The following TRIP11 variants were observed in gnomAD, a reference collection of about 807,000 sequenced individuals.
TRIP11 encodes thyroid receptor-interacting protein 11.
A neutral mutation model predicts 223.1 loss-of-function variants in TRIP11; 148 were observed. The observed-to-expected ratio is 0.66, with a 90% CI of 0.58 to 0.76. The LOEUF is 0.76. TRIP11 is among the 30% of genes least tolerant of loss of function. TRIP11 has a pLI of 0.00. For missense variants in TRIP11, 2,043 were observed against 2,222.0 expected, an observed-to-expected ratio of 0.92 and a Z score of 1.62; for synonymous variants, 762 against 772.6, an observed-to-expected ratio of 0.99 and a Z score of 0.23.
chr14:91,991,008 C>G (rs2056665166), intron 15 of TRIP11, among the ~76,000 whole-genome samples: 1 of 152,122 alleles, frequency 6.6e-6, no homozygotes, highest in South Asian at 2.1e-4. Flanking sequence ...TAGGGAAGTG[C>G]AAATTAAAAC....
At chr14:91,977,191 G>C (rs1038847343) in intron 16 of TRIP11, 1 of 452,350 alleles carries the variant, frequency 2.2e-6, no homozygotes, top group African/African-American at 2.0e-5. Context: ...TATCAGATAT[G>C]ATTTACAAAC....
chr14:91,971,162 A>G (rs985394012), intron 20 of TRIP11, among the ~76,000 whole-genome samples: 7 of 152,218 alleles, frequency 4.6e-5, no homozygotes, highest in Admixed American at 6.5e-5. Flanking sequence ...GACAACTTCA[A>G]TGGTAACAGA....
In TRIP11 at chr14:92,004,015, A is replaced by G. The variant is rs1428077278; in HGVS notation, c.3961T>C (p.Leu1321=). The part of the protein sequence containing the change: ...IISPQLSSAS[L]LTPQSAECLR... ...CACTCTGCAGACTGGGGAGTAAGCA[A>G]TGATGCAGAAGACAGCTGGGGTGAA... Residue 1321 remains leucine (L), a synonymous_variant, in exon 11 of 21, where the codon TTG becomes CTG. Transcript: ENST00000267622. 3 of 1,614,192 alleles carry G rather than the reference A, an allele frequency of 1.9e-6. No individual in the cohort carries two copies. The South Asian group carries it at 3.3e-5, about 18-fold the overall frequency.
chr14:91,976,148 A>C lies in TRIP11; in HGVS notation c.5302T>G (p.Leu1768Val). The C allele has an allele frequency of 6.2e-7, 1 of 1,612,562 alleles. No homozygotes were observed. The highest frequency in any genetic ancestry group is 1.1e-5 in the South Asian group (1 of 91,068). The change falls in exon 17 of 21, where the codon TTG (leucine) becomes GTG (valine). Residue 1768 changes from leucine to valine, a missense_variant. Physicochemically the swap from Leu to Val is conservative, Grantham distance 32. Coordinates refer to ENST00000267622, the MANE Select transcript of TRIP11 (RefSeq NM_004239.4). ...TCTGAGCTGTTTGCTAAGCTCATCAATTTCTTTTGTACATCATCCAGCATT... is the reference window on the plus strand; with the variant it reads ...TCTGAGCTGTTTGCTAAGCTCATCACTTTCTTTTGTACATCATCCAGCATT... ...QEMLDDVQKK[L>V]MSLANSSEGK...
At chr14:92,008,878 T>TA (rs1327176688) in intron 9 of TRIP11, among the ~76,000 whole-genome samples, 1 of 151,968 alleles carries the variant, frequency 6.6e-6, no homozygotes, top group Non-Finnish European at 1.5e-5. Context: ...TCTCTCTCTC[T>TA]AAAAAATAAA....
In TRIP11 at chr14:92,004,051, G is replaced by A. The variant is rs2056864112; in HGVS notation, c.3925C>T (p.Leu1309Phe). 3 of 1,614,024 alleles carry A rather than the reference G, an allele frequency of 1.9e-6. No individual in the cohort carries two copies. The Admixed American group carries it at 5.0e-5, about 27-fold the overall frequency. The part of the protein sequence containing the change: ...CNTKDLLLGK[L>F]DIISPQLSSA... ...GACAGCTGGGGTGAAATAATATCAAGTTTTCCTAAAAGAAGATCCTTGGTA... is the reference window on the plus strand; with the variant it reads ...GACAGCTGGGGTGAAATAATATCAAATTTTCCTAAAAGAAGATCCTTGGTA... The change falls in exon 11 of 21, where the codon CTT becomes TTT. Residue 1309 changes from leucine (L) to phenylalanine (F), a missense_variant. By Grantham distance (22) the Leu-to-Phe change is conservative. Transcript: ENST00000267622.
chr14:92,001,687 T>C (rs1164583884), intron 11 of TRIP11, among the ~76,000 whole-genome samples: 2 of 152,144 alleles, frequency 1.3e-5, no homozygotes, highest in South Asian at 2.1e-4. Flanking sequence ...TAGAACTAAA[T>C]TGTACAAAAC....
chr14:92,012,184 T>C (rs1003106482), intron 7 of TRIP11, among the ~76,000 whole-genome samples: 3 of 152,202 alleles, frequency 2.0e-5, no homozygotes, highest in African/African-American at 7.2e-5. Context: ...AGTATTTTAT[T>C]ATGTATATTT....
rs763206653 is a variant in TRIP11 at position 91,999,406 on chromosome 14, G to A, written c.4726C>T (p.Arg1576Cys). The A allele has an allele frequency of 1.2e-5, 19 of 1,613,626 alleles. No individual in the cohort carries two copies. The highest frequency in any genetic ancestry group is 1.0e-4 in the Admixed American group (6 of 59,984). Reference protein sequence around the residue: ...EVQRLRDKEFRSNQELERLRN... With the variant: ...EVQRLRDKEFCSNQELERLRN... ...AATCTCTCTAGCTCTTGGTTTGAAC[G>A]AAATTCTTTGTCACGTAAACGTTGA... Residue 1576 changes from arginine (R) to cysteine (C), a missense_variant, in exon 13 of 21, where the codon CGT (arginine) becomes TGT (cysteine). Coordinates refer to ENST00000267622, the MANE Select transcript of TRIP11 (RefSeq NM_004239.4).
intron 2 of TRIP11, among the ~76,000 whole-genome samples, chr14:92,031,527 T>C (rs574351320): frequency 9.9e-5 from 15 of 152,220 alleles, no homozygotes; most frequent in Admixed American, 6.5e-4. Flanking sequence ...CAGTGAGCTA[T>C]GACTGTGCCA....
rs2056802541 is a variant in TRIP11, at chr14:92,000,029, C to G, written c.4637G>C (p.Arg1546Thr). The G allele has an allele frequency of 6.2e-7, 1 of 1,613,866 alleles. No homozygotes were observed. The highest frequency in any genetic ancestry group is 8.5e-7 in the Non-Finnish European group (1 of 1,179,960). ...QEKTVVFQQE[R>T]DQVMLALKQK... ...TTTCAGGGCCAACATGACTTGGTCT[C>G]TCTCCTGTTGAAACACAACTGTCTT... The change falls in exon 12 of 21, where the codon AGA becomes ACA. Residue 1546 changes from arginine to threonine, a missense_variant. Transcript: ENST00000267622.
Position 91,974,652 on chromosome 14 carries a change from G to A in TRIP11, c.5549C>T (p.Pro1850Leu), listed in dbSNP as rs547695005. 214 of 1,612,052 alleles carry A rather than the reference G, an allele frequency of 1.3e-4. No homozygotes were observed. In the South Asian group the frequency reaches 2.3e-3, roughly 18 times the overall value. The change falls in exon 19 of 21, where the codon CCA (proline) becomes CTA (leucine). Residue 1850 changes from proline (P) to leucine (L), a missense_variant. Transcript: ENST00000267622. ...ACTATTAACCACAGATTGCTGATTT[G>A]GTCTCAAAGGTGTGTTGGGAACACT... ...SKSVPNTPLR[P>L]NQQSVVNSSF...
At chr14:92,034,288 T>TG (rs2057300053) in intron 1 of TRIP11, among the ~76,000 whole-genome samples, 1 of 152,092 alleles carries the variant, frequency 6.6e-6, no homozygotes, top group South Asian at 2.1e-4. Context: ...CCGGGTGTGG[T>TG]GGCACACGCC....
chr14:92,036,167 AATT>A (rs1566878172), intron 1 of TRIP11, among the ~76,000 whole-genome samples: 1 of 152,210 alleles, frequency 6.6e-6, no homozygotes, highest in Non-Finnish European at 1.5e-5. Flanking sequence ...TTAGGAAGGT[AATT>A]GTTAAAAGCA....
Position 91,969,717 on chromosome 14 carries a change from C to G in TRIP11, c.5896G>C (p.Asp1966His). Reference protein sequence around the residue: ...PTFTPLPALPDNSAGVVLKDL... With the variant: ...PTFTPLPALPHNSAGVVLKDL... ...TTCAGCACAACCCCAGCACTGTTGT[C>G]AGGTAACGCTGGCAAAGGTGTAAAT... The change falls in exon 21 of 21, where the codon GAC becomes CAC. Residue 1966 changes from aspartate (D) to histidine (H), a missense_variant. By Grantham distance (81) the Asp-to-His change is moderately conservative (BLOSUM62 -1). Coordinates refer to ENST00000267622, the MANE Select transcript of TRIP11 (RefSeq NM_004239.4). 1 of 1,613,078 alleles carries G rather than the reference C, an allele frequency of 6.2e-7. No homozygotes were observed. Among genetic ancestry groups the G allele is most frequent in the South Asian group, 1.1e-5 (1 of 91,034 alleles).
At chr14:91,974,797 AAC>A in intron 18 of TRIP11, 54 bp from the exon 19 acceptor site, 1 of 1,340,220 alleles carries the variant, frequency 7.5e-7, no homozygotes, top group Non-Finnish European at 1.0e-6. Flanking sequence ...AAAAAAAAAA[AAC>A]AAGGACCACT....
rs1460673992 is a variant in TRIP11, at chr14:91,966,491, A to G, written c.*3182T>C. The G allele has an allele frequency of 1.0e-5, 2 of 194,922 alleles. No homozygotes were observed. The highest frequency in any genetic ancestry group is 1.6e-4 in the East Asian group (2 of 12,398). The allele number at this position is 194,922 out of a possible 1,614,324, so 12.1% of individuals were successfully genotyped here. ...TAATAGTGTTTTCTAAAAAATTCTC[A>G]TCACTCTACTGTCCCTGAAGACATA... On this transcript the variant is annotated 3_prime_UTR_variant, in exon 21 of 21. Coordinates refer to ENST00000267622, the MANE Select transcript of TRIP11 (RefSeq NM_004239.4).
chr14:92,007,621 G>A lies in TRIP11; in HGVS notation c.1527+19C>T. The A allele has an allele frequency of 2.5e-6, 4 of 1,610,114 alleles. No individual in the cohort carries two copies. The highest frequency in any genetic ancestry group is 3.4e-6 in the Non-Finnish European group (4 of 1,177,346). ...ACTTAGTAGAATGTGCTGCCTTACTGTATTTAATACAGTGTTACCTTTGTA... is the reference window on the plus strand; with the variant it reads ...ACTTAGTAGAATGTGCTGCCTTACTATATTTAATACAGTGTTACCTTTGTA... On this transcript the variant is annotated intron_variant, in intron 10 of 20. Transcript: ENST00000267622.
Position 91,999,859 on chromosome 14 carries a change from G to A in TRIP11, c.4698+109C>T, listed in dbSNP as rs544415956. The A allele has an allele frequency of 3.9e-5, 57 of 1,454,106 alleles. No individual in the cohort carries two copies. The African/African-American group carries it at 7.5e-4, about 19-fold the overall frequency. 90.1% of individuals were successfully genotyped at this position (1,454,106 alleles called of 1,614,324 possible). On this transcript the variant is annotated intron_variant, in intron 12 of 20. Transcript: ENST00000267622. ...CTACTGCACAGCAGAGGAAGAATAA[G>A]AAAAATCACCTAACAGAGAAATTCA...
Sources: allele counts gnomAD v4.1 joint callset (sites outside exome capture counted in the v4.1 genomes callset), GRCh38; gene constraint gnomAD v4.1.1; transcripts MANE v1.5; gene names NCBI Gene and HGNC (gene_info 2026-07-23, HGNC 2026-07-21).